The following KAZN variants were observed in gnomAD, a reference collection of about 807,000 sequenced individuals.
KAZN encodes kazrin.
In KAZN, 40 loss-of-function variants were observed where a neutral mutation model predicts 87.4. The ratio of observed to expected loss-of-function variants is 0.46; its 90% CI spans 0.36 to 0.60. The LOEUF (loss-of-function observed/expected upper bound fraction) is 0.60. KAZN is among the 20% of genes least tolerant of loss of function. The pLI, the probability that KAZN is intolerant of heterozygous loss-of-function variation, is 0.00. For synonymous variants in KAZN, 466 were observed against 458.3 expected, an observed-to-expected ratio of 1.02 and a Z score of -0.22; for missense variants, 898 against 1,073.9, an observed-to-expected ratio of 0.84 and a Z score of 2.29.
intron 1 of KAZN, among the ~76,000 whole-genome samples, chr1:14,142,326 A>G (rs1419767554): frequency 6.6e-6 from 1 of 152,220 alleles, no homozygotes; most frequent in Non-Finnish European, 1.5e-5. Flanking sequence ...CCAATAAAAT[A>G]CACAGTCTAA....
intron 1 of KAZN, among the ~76,000 whole-genome samples, chr1:14,630,377 C>G (rs532976245): frequency 6.6e-6 from 1 of 152,068 alleles, no homozygotes; most frequent in Non-Finnish European, 1.5e-5. Flanking sequence ...ATTCCTTAAC[C>G]GTTGTCTGTA....
chr1:14,350,855 G>T (rs1333717737), intron 2 of KAZN: 1 of 152,300 alleles, frequency 6.6e-6, no homozygotes, highest in Non-Finnish European at 1.5e-5. Flanking sequence ...TCCTCAGCCA[G>T]TCTTGACAGT....
chr1:14,958,116 C>G (rs59243784), intron 1 of KAZN, among the ~76,000 whole-genome samples: 4 of 152,296 alleles, frequency 2.6e-5, no homozygotes, highest in African/African-American at 9.6e-5. Context: ...TGCTCCCTCC[C>G]CTGGACCTGG....
chr1:14,071,212 T>C (rs1197802099), intron 1 of KAZN, among the ~76,000 whole-genome samples: 2 of 152,134 alleles, frequency 1.3e-5, no homozygotes, highest in Non-Finnish European at 2.9e-5. Flanking sequence ...CACTCTTGCC[T>C]GCAGTTAAAT....
At chr1:14,475,706 C>G (rs760532355) in intron 2 of KAZN, among the ~76,000 whole-genome samples, 1 of 152,078 alleles carries the variant, frequency 6.6e-6, no homozygotes, top group Non-Finnish European at 1.5e-5. Flanking sequence ...ATAGGGAGGG[C>G]TCTTGTGAGT....
chr1:14,069,785 C>T (rs1643167411), intron 1 of KAZN, among the ~76,000 whole-genome samples: 1 of 152,148 alleles, frequency 6.6e-6, no homozygotes, highest in Admixed American at 6.5e-5. Flanking sequence ...GATGTTTATT[C>T]CTTATTAGCC....
intron 1 of KAZN, among the ~76,000 whole-genome samples, chr1:13,988,457 T>A (rs535162029): frequency 4.6e-5 from 7 of 152,290 alleles, no homozygotes; most frequent in Middle Eastern, 3.4e-3. Context: ...GTTCTTTTAC[T>A]TATGATTTCA....
intron 2 of KAZN, among the ~76,000 whole-genome samples, chr1:14,507,481 A>T (rs573254300): frequency 1.3e-5 from 2 of 152,214 alleles, no homozygotes; most frequent in Non-Finnish European, 2.9e-5. Context: ...TAGAAGACCT[A>T]AAGAGCCTGT....
intron 2 of KAZN, among the ~76,000 whole-genome samples, chr1:14,425,598 C>T (rs1665677008): frequency 6.6e-6 from 1 of 152,196 alleles, no homozygotes; most frequent in South Asian, 2.1e-4. Context: ...ATCCCGGTCT[C>T]ACCCCCACTA....
In KAZN at chr1:14,731,311, G is replaced by GA. The variant is rs560597808; in HGVS notation, c.226+132094dup. Among the ~76,000 whole-genome samples, 1,230 of 152,206 alleles carry GA rather than the reference G, an allele frequency of 8.1e-3. 11 individuals are homozygous for GA. Among genetic ancestry groups the GA allele is most frequent in the South Asian group, 0.028 (136 of 4,812 alleles). On this transcript the variant is annotated intron_variant, in intron 1 of 14. Coordinates refer to ENST00000376030, the MANE Select transcript of KAZN (RefSeq NM_201628.3). The stretch of plus-strand genomic sequence containing the variant: ...TCTGTTTTGAACTCAGTTATTTAAG[G>GA]AAAAAACATCATCATCGTCATTGTC...
At chr1:14,281,165 G>A (rs995457782) in intron 2 of KAZN, among the ~76,000 whole-genome samples, 1 of 152,106 alleles carries the variant, frequency 6.6e-6, no homozygotes, top group African/African-American at 2.4e-5. Context: ...GGTTTCCTTT[G>A]ATCTAGTTGG....
intron 1 of KAZN, among the ~76,000 whole-genome samples, chr1:14,618,485 C>T (rs2148635050): frequency 6.6e-6 from 1 of 152,316 alleles, no homozygotes; most frequent in African/African-American, 2.4e-5. Flanking sequence ...AAGACAATGG[C>T]AATGATGAAG....
In KAZN at chr1:15,056,335, C is replaced by A; in HGVS notation, c.916+55C>A. On this transcript the variant is annotated intron_variant, in intron 5 of 14. Transcript: ENST00000376030. The surrounding 1 kb of genome is among the most constrained non-coding windows in gnomAD (Gnocchi z 5.4). ...CGGCTTCGAGGGGCTTCACAGGAGG[C>A]CATCTGACCCAGTGGGAGAGGCAGC... 1 of 1,509,372 alleles carries A rather than the reference C, an allele frequency of 6.6e-7. No homozygotes were observed. The allele number at this position is 1,509,372 out of a possible 1,614,324, so 93.5% of individuals were successfully genotyped here.
At chr1:15,060,487 T>C (rs1638700692) in intron 6 of KAZN, 185 bp downstream of exon 6, 3 of 801,252 alleles carry the variant, frequency 3.7e-6, no homozygotes, top group Non-Finnish European at 3.9e-6. Context: ...GAAAAAGGAA[T>C]GAGGCCCGTT....
Position 14,829,551 on chromosome 1 carries a change from C to T in KAZN, c.227-131133C>T, listed in dbSNP as rs1335102487. On this transcript the variant is annotated intron_variant, in intron 1 of 14. Coordinates refer to ENST00000376030, the MANE Select transcript of KAZN (RefSeq NM_201628.3). ...TGCCGCTGTACTCCAGCCTGGGTGACAGAGCAAGACTCTGTCTCTGAAAAA... is the reference window on the plus strand; with the variant it reads ...TGCCGCTGTACTCCAGCCTGGGTGATAGAGCAAGACTCTGTCTCTGAAAAA... Among the ~76,000 whole-genome samples, 5 of 152,098 alleles carry T rather than the reference C, an allele frequency of 3.3e-5. No homozygotes were observed. The East Asian group carries it at 9.6e-4, about 29-fold the overall frequency.
intron 3 of KAZN, among the ~76,000 whole-genome samples, chr1:15,042,259 T>C (rs1033586177): frequency 6.6e-6 from 1 of 152,208 alleles, no homozygotes; most frequent in Non-Finnish European, 1.5e-5. Context: ...GGACAACCCT[T>C]ACCCCAGTGG....
At position 15,025,783 on chromosome 1, in the gene KAZN, G is replaced by A. The variant is rs146181398; in HGVS notation, c.419-8966G>A. On this transcript the variant is annotated intron_variant, in intron 2 of 14. Transcript: ENST00000376030. ...CAGCCACTTGTTGGCTGCGCGAGCC[G>A]GTCAACCCACTTCACCTCGTGGTGA... is the stretch of plus-strand genomic sequence containing the variant. 4.1e-3 allele frequency among the ~76,000 whole-genome samples: 624 copies of A among 152,214 alleles called. 7 individuals carry two copies. Among genetic ancestry groups the A allele is most frequent in the African/African-American group, 0.014 (589 of 41,542 alleles).
intron 8 of KAZN, among the ~76,000 whole-genome samples, chr1:15,080,828 C>A (rs538360901): frequency 1.6e-4 from 24 of 152,282 alleles, no homozygotes; most frequent in Admixed American, 3.9e-4. Context: ...GGAGTAGGAC[C>A]CTCCCTGTGC....
intron 2 of KAZN, among the ~76,000 whole-genome samples, chr1:15,022,481 T>C (rs973100336): frequency 6.6e-6 from 1 of 152,180 alleles, no homozygotes; most frequent in African/African-American, 2.4e-5. Flanking sequence ...AAGCAAATGG[T>C]AGGGCCAGGC....
Sources: allele counts gnomAD v4.1 joint callset (sites outside exome capture counted in the v4.1 genomes callset), GRCh38; gene constraint gnomAD v4.1.1; non-coding constraint Gnocchi (gnomAD v3.1); transcripts MANE v1.5; gene names NCBI Gene and HGNC (gene_info 2026-07-23, HGNC 2026-07-21).